The following TRPS1 variants were observed in gnomAD, a reference collection of about 807,000 sequenced individuals.
TRPS1 encodes transcriptional repressor GATA binding 1.
TRPS1 carries 6 observed loss-of-function variants against 101.2 expected under a neutral mutation model. That is an observed-to-expected ratio of 0.06 (90% CI 0.03 to 0.12). The LOEUF (loss-of-function observed/expected upper bound fraction) is 0.12, where lower values mean the gene tolerates loss of function less well. Among genes scored for constraint, TRPS1 ranks in the 10% least tolerant of loss-of-function variants. The pLI, the probability that TRPS1 is intolerant of heterozygous loss-of-function variation, is 1.00. For missense variants in TRPS1, 1,363 were observed against 1,567.0 expected, an observed-to-expected ratio of 0.87 and a Z score of 2.20; for synonymous variants, 578 against 589.8, an observed-to-expected ratio of 0.98 and a Z score of 0.29.
At chr8:115,570,103 T>C (rs187934379) in intron 5 of TRPS1, among the ~76,000 whole-genome samples, 8 of 152,100 alleles carry the variant, frequency 5.3e-5, no homozygotes, top group Non-Finnish European at 1.0e-4. Flanking sequence ...TATATATAGA[T>C]ATATATGTAG....
At position 115,498,373 on chromosome 8, in the gene TRPS1, G is replaced by GTCTCTCTCTC. The variant is rs1271156488; in HGVS notation, c.2701-79931_2701-79922dup. On this transcript the variant is annotated intron_variant, in intron 5 of 6. Transcript: ENST00000395715. ...AGCCTGGGCAACAAAGAGAGAGCCC[G>GTCTCTCTCTC]TCTCTCTCTCTCTCTCTCTCTCTCT... Among the ~76,000 whole-genome samples, 200 of 31,114 alleles carry GTCTCTCTCTC rather than the reference G, an allele frequency of 6.4e-3. 74 individuals are homozygous for GTCTCTCTCTC. Among genetic ancestry groups the GTCTCTCTCTC allele is most frequent in the East Asian group, 0.04 (20 of 502 alleles). The allele number at this position is 31,114 out of a possible 152,430, so 20.4% of individuals were successfully genotyped here.
chr8:115,530,123 A>T (rs2130260125), intron 5 of TRPS1, among the ~76,000 whole-genome samples: 1 of 152,276 alleles, frequency 6.6e-6, no homozygotes, highest in East Asian at 1.9e-4. Context: ...AATAAATCTC[A>T]TAAACTGACC....
intron 3 of TRPS1, among the ~76,000 whole-genome samples, chr8:115,613,578 T>C (rs762665199): frequency 2.0e-5 from 3 of 152,244 alleles, no homozygotes; most frequent in Non-Finnish European, 2.9e-5. Flanking sequence ...CTGTCTATCA[T>C]GGTTTACATC....
intron 5 of TRPS1, among the ~76,000 whole-genome samples, chr8:115,426,997 C>T (rs150368289): frequency 5.3e-5 from 8 of 152,012 alleles, no homozygotes; most frequent in African/African-American, 1.9e-4. Context: ...TTTGGCCAGG[C>T]GTGGTAGCTC....
At chr8:115,663,255 T>C (rs1811847727) in intron 1 of TRPS1, among the ~76,000 whole-genome samples, 2 of 151,886 alleles carry the variant, frequency 1.3e-5, no homozygotes, top group South Asian at 4.1e-4. Context: ...TGAACTTTTT[T>C]TTTTTTTTAA....
At chr8:115,631,427 TCAAGTTTTTTCCAGGTGCAACA>T (rs1349289040) in intron 1 of TRPS1, among the ~76,000 whole-genome samples, 1 of 152,116 alleles carries the variant, frequency 6.6e-6, no homozygotes, top group African/African-American at 2.4e-5. Flanking sequence ...ATCAGTGATC[TCAAGTTTTTTCCAGGTGCAACA>T]CATCTGAGGC....
chr8:115,507,845 C>A (rs1390913558), intron 5 of TRPS1, among the ~76,000 whole-genome samples: 3 of 152,024 alleles, frequency 2.0e-5, no homozygotes, highest in Admixed American at 1.3e-4. Context: ...GAGGGTGAAG[C>A]TTCTGCCTAG....
At chr8:115,615,351 A>G (rs1563645364) in intron 3 of TRPS1, among the ~76,000 whole-genome samples, 1 of 152,234 alleles carries the variant, frequency 6.6e-6, no homozygotes, top group South Asian at 2.1e-4. Flanking sequence ...AAGCTCCCCA[A>G]TAAAGATGAT....
chr8:115,477,988 T>C (rs1179862968), intron 5 of TRPS1, among the ~76,000 whole-genome samples: 1 of 152,152 alleles, frequency 6.6e-6, no homozygotes, highest in Non-Finnish European at 1.5e-5. Context: ...TTCTCCTCCC[T>C]TTCTCCCTTT....
intron 5 of TRPS1, among the ~76,000 whole-genome samples, chr8:115,454,645 C>T (rs934726792): frequency 6.6e-6 from 1 of 152,008 alleles, no homozygotes; most frequent in Non-Finnish European, 1.5e-5. Context: ...GGTTGGAAGC[C>T]TGCTGAGTTA....
At chr8:115,494,200 C>G (rs973887449) in intron 5 of TRPS1, among the ~76,000 whole-genome samples, 8 of 152,214 alleles carry the variant, frequency 5.3e-5, no homozygotes, top group Admixed American at 5.2e-4. Context: ...CTTTCTGAGC[C>G]AATAGCCTTG....
chr8:115,417,552 C>A (rs1232544745), intron 6 of TRPS1, among the ~76,000 whole-genome samples: 3 of 151,546 alleles, frequency 2.0e-5, no homozygotes, highest in African/African-American at 7.3e-5. Flanking sequence ...GATGAACTTG[C>A]TAAACTAAAA....
chr8:115,606,763 A>G (rs1272121290), intron 3 of TRPS1, among the ~76,000 whole-genome samples: 1 of 150,472 alleles, frequency 6.6e-6, no homozygotes, highest in Non-Finnish European at 1.5e-5. Flanking sequence ...AAATCTCTAC[A>G]TATATTTCCC....
chr8:115,541,680 G>C (rs893164919), intron 5 of TRPS1, among the ~76,000 whole-genome samples: 3 of 152,216 alleles, frequency 2.0e-5, no homozygotes, highest in Admixed American at 2.0e-4. Context: ...TTCCTCATTT[G>C]TAAAACGAAA....
At chr8:115,480,596 C>T (rs924016097) in intron 5 of TRPS1, among the ~76,000 whole-genome samples, 3 of 151,892 alleles carry the variant, frequency 2.0e-5, no homozygotes, top group Non-Finnish European at 4.4e-5. Context: ...ATCTGGAAGG[C>T]TATATCAAAT....
chr8:115,604,455 CCTT>C lies in TRPS1; in HGVS notation c.1511_1513del (p.Glu504del). ...CTTGTCTGTCTTGGTCATTGTCTCTCCTTCTGAACTTTTGGCTAGATCATTCTG... is the reference window on the plus strand; with the variant it reads ...CTTGTCTGTCTTGGTCATTGTCTCTCCTGAACTTTTGGCTAGATCATTCTG... On this transcript the variant is annotated inframe_deletion, in exon 4 of 7. Transcript: ENST00000395715. This position sits in a 1 kb window ranked among gnomAD's most constrained non-coding sequence, Gnocchi z 4.1. 2 of 1,614,074 alleles carry C rather than the reference CCTT, an allele frequency of 1.2e-6. No individual in the cohort carries two copies. Among genetic ancestry groups the C allele is most frequent in the South Asian group, 1.1e-5 (1 of 91,088 alleles).
intron 1 of TRPS1, among the ~76,000 whole-genome samples, chr8:115,639,488 T>G (rs1818846535): frequency 6.6e-6 from 1 of 152,222 alleles, no homozygotes; most frequent in African/African-American, 2.4e-5. Context: ...TCTTATGCTT[T>G]AAGATCAATG....
At chr8:115,509,443 C>T (rs960660154) in intron 5 of TRPS1, among the ~76,000 whole-genome samples, 4 of 152,016 alleles carry the variant, frequency 2.6e-5, no homozygotes, top group Admixed American at 2.0e-4. Flanking sequence ...CAGGAATAAT[C>T]AGTGAGTGTG....
chr8:115,409,911 C>T lies in TRPS1; in HGVS notation c.*4112G>A, dbSNP rs1399689155. 1 of 98,450 alleles carries T rather than the reference C, an allele frequency of 1.0e-5. No individual in the cohort carries two copies. The highest frequency in any genetic ancestry group is 1.9e-5 in the Non-Finnish European group (1 of 52,422). The allele number at this position is 98,450 out of a possible 1,614,324, so 6.1% of individuals were successfully genotyped here. A position where few individuals can be genotyped will look rare whatever the true frequency, so the allele number is the denominator to read the frequency against. ...ACTGGCTCACCAAAGACGACTTGAT[C>T]TTTTTTTCTTTTTTTTTTTTTGCCA... On this transcript the variant is annotated 3_prime_UTR_variant, in exon 7 of 7. Coordinates refer to ENST00000395715, the MANE Select transcript of TRPS1 (RefSeq NM_014112.5).
Sources: allele counts gnomAD v4.1 joint callset (sites outside exome capture counted in the v4.1 genomes callset), GRCh38; gene constraint gnomAD v4.1.1; non-coding constraint Gnocchi (gnomAD v3.1); transcripts MANE v1.5; gene names NCBI Gene and HGNC (gene_info 2026-07-23, HGNC 2026-07-21).